The following ATRNL1 variants were observed in gnomAD, a reference collection of about 807,000 sequenced individuals.
The protein encoded by ATRNL1 is attractin like 1.
In ATRNL1, 95 loss-of-function variants were observed where a neutral mutation model predicts 182.7. The ratio of observed to expected loss-of-function variants is 0.52; its 90% confidence interval spans 0.44 to 0.62. The LOEUF is 0.62. Among genes scored for constraint, ATRNL1 ranks in the 20% least tolerant of loss-of-function variants. ATRNL1 has a pLI of 0.00. For missense variants in ATRNL1, 1,471 were observed against 1,679.5 expected (o/e 0.88, Z 2.17); for synonymous variants, 576 against 568.3 (o/e 1.01, Z -0.19).
In ATRNL1 at chr10:115,334,467, ATAAT is replaced by A. The variant is rs782387635; in HGVS notation, c.3175+52_3175+55del. 1.2e-5 allele frequency: 17 copies of A among 1,412,376 alleles called. 1 individual carries two copies. In the East Asian group the frequency reaches 2.8e-4, roughly 24 times the overall value. 87.5% of individuals were successfully genotyped at this position (1,412,376 alleles called of 1,614,324 possible). A position where few individuals can be genotyped will look rare whatever the true frequency, so the allele number is the denominator to read the frequency against. On this transcript the variant is annotated intron_variant, in intron 19 of 28. Transcript: ENST00000355044. ...TTGGTGTATTTTTACTAAGGAAAAG[ATAAT>A]TAAGAAAGCAGCGCCTGTTGTGGAG...
At chr10:115,744,729 G>A (rs372741787) in intron 27 of ATRNL1, among the ~76,000 whole-genome samples, 4 of 151,962 alleles carry the variant, frequency 2.6e-5, no homozygotes, top group South Asian at 4.2e-4. Flanking sequence ...GTAAATGCAC[G>A]CATAATACAT....
At chr10:115,853,883 G>C (rs1195143276) in intron 28 of ATRNL1, among the ~76,000 whole-genome samples, 1 of 152,134 alleles carries the variant, frequency 6.6e-6, no homozygotes, top group Non-Finnish European at 1.5e-5. Context: ...ATGACTCCGT[G>C]TCAAAAAATA....
At chr10:115,242,841 AAAT>A (rs1354282893) in intron 10 of ATRNL1, among the ~76,000 whole-genome samples, 1 of 152,038 alleles carries the variant, frequency 6.6e-6, no homozygotes, top group Non-Finnish European at 1.5e-5. Flanking sequence ...TTTCTTTTTG[AAAT>A]AATAATTTGA....
chr10:115,325,400 A>G (rs1204307682), intron 18 of ATRNL1, among the ~76,000 whole-genome samples: 1 of 151,826 alleles, frequency 6.6e-6, no homozygotes, highest in Admixed American at 6.6e-5. Flanking sequence ...CTAATATACC[A>G]TTTTCTTGTT....
At chr10:115,544,918 G>A (rs1177845620) in intron 25 of ATRNL1, among the ~76,000 whole-genome samples, 1 of 152,068 alleles carries the variant, frequency 6.6e-6, no homozygotes, top group Non-Finnish European at 1.5e-5. Context: ...TTGCCTGTTT[G>A]TTTTGCTTTT....
At chr10:115,755,859 T>C (rs1555071864) in intron 27 of ATRNL1, among the ~76,000 whole-genome samples, 1 of 152,202 alleles carries the variant, frequency 6.6e-6, no homozygotes, top group East Asian at 1.9e-4. Flanking sequence ...TTGTTATTGG[T>C]CTATTCAGGG....
At chr10:115,110,269 T>C (rs573646989) in intron 1 of ATRNL1, among the ~76,000 whole-genome samples, 125 of 152,304 alleles carry the variant, frequency 8.2e-4, no homozygotes, top group Non-Finnish European at 1.1e-3. Flanking sequence ...TCTAATCACA[T>C]GAGCCCTTTA....
intron 18 of ATRNL1, among the ~76,000 whole-genome samples, chr10:115,318,219 AG>A (rs1401522611): frequency 1.3e-5 from 2 of 152,212 alleles, no homozygotes; most frequent in Admixed American, 1.3e-4. Context: ...ATGTTGAACT[AG>A]CCTTGCATCC....
chr10:115,928,089 A>T (rs1953288081), intron 28 of ATRNL1, among the ~76,000 whole-genome samples: 1 of 152,032 alleles, frequency 6.6e-6, no homozygotes, highest in South Asian at 2.1e-4. Flanking sequence ...CCAGCTCTCC[A>T]ATTCTCTAGT....
chr10:115,237,252 G>A (rs1850224799), intron 9 of ATRNL1, among the ~76,000 whole-genome samples: 1 of 152,128 alleles, frequency 6.6e-6, no homozygotes, highest in South Asian at 2.1e-4. Flanking sequence ...ACTCATTCAG[G>A]TGACCACCAT....
intron 24 of ATRNL1, among the ~76,000 whole-genome samples, chr10:115,500,668 A>C (rs1260063285): frequency 6.6e-6 from 1 of 150,900 alleles, no homozygotes; most frequent in African/African-American, 2.4e-5. Flanking sequence ...CAGCCTCCTG[A>C]GTAGCTGGGA....
intron 26 of ATRNL1, among the ~76,000 whole-genome samples, chr10:115,663,134 C>G (rs1394772486): frequency 1.3e-5 from 2 of 151,916 alleles, no homozygotes; most frequent in African/African-American, 2.4e-5. Context: ...GTTAAGTGCT[C>G]AATATACATT....
intron 18 of ATRNL1, among the ~76,000 whole-genome samples, chr10:115,329,913 A>G (rs1187975347): frequency 3.9e-5 from 6 of 151,982 alleles, no homozygotes; most frequent in Non-Finnish European, 7.4e-5. Context: ...GTACTGCCAT[A>G]TTGCTACTTG....
At position 115,108,121 on chromosome 10, in the gene ATRNL1, CTT is replaced by C. The variant is rs1467718603; in HGVS notation, c.294-12061_294-12060del. Among the ~76,000 whole-genome samples the C allele has an allele frequency of 2.0e-5, 3 of 152,282 alleles. No homozygotes were observed. In the East Asian group the frequency reaches 5.8e-4, roughly 29 times the overall value. ...TGTTCTTTACATATACAAACTGTGACTTTTCCAAATCATTACTTTCTGCTTCC... is the reference window on the plus strand; with the variant it reads ...TGTTCTTTACATATACAAACTGTGACTTCCAAATCATTACTTTCTGCTTCC... On this transcript the variant is annotated intron_variant, in intron 1 of 28. Transcript: ENST00000355044.
intron 27 of ATRNL1, among the ~76,000 whole-genome samples, chr10:115,769,432 A>G (rs1948933359): frequency 6.6e-6 from 1 of 152,192 alleles, no homozygotes. Flanking sequence ...CCTTTCTTAC[A>G]GTATATTTAT....
rs782349801 is a variant in ATRNL1, at chr10:115,215,898, C to A, written c.1532+18C>A. The stretch of plus-strand genomic sequence containing the variant: ...AAGACTTGGTGAGTACACAAAATAA[C>A]ACATTTTCTATGTTGCCATTATTAT... On this transcript the variant is annotated intron_variant, in intron 9 of 28. Coordinates refer to ENST00000355044, the MANE Select transcript of ATRNL1 (RefSeq NM_207303.4). The A allele has an allele frequency of 1.4e-6, 2 of 1,459,740 alleles. No individual in the cohort carries two copies. The highest frequency in any genetic ancestry group is 2.6e-5 in the East Asian group (1 of 38,054). The allele number at this position is 1,459,740 out of a possible 1,614,324, so 90.4% of individuals were successfully genotyped here.
At chr10:115,196,447 T>A (rs1848364067) in intron 8 of ATRNL1, among the ~76,000 whole-genome samples, 1 of 152,070 alleles carries the variant, frequency 6.6e-6, no homozygotes, top group East Asian at 1.9e-4. Context: ...AAATTTAGAA[T>A]CAACTTGTCA....
chr10:115,335,375 G>T (rs1188601875), intron 19 of ATRNL1, among the ~76,000 whole-genome samples: 1 of 152,092 alleles, frequency 6.6e-6, no homozygotes, highest in Admixed American at 6.6e-5. Flanking sequence ...AACACTAGCT[G>T]CATATTAGAA....
At chr10:115,284,540 A>G (rs1852516509) in intron 14 of ATRNL1, among the ~76,000 whole-genome samples, 1 of 152,208 alleles carries the variant, frequency 6.6e-6, no homozygotes, top group African/African-American at 2.4e-5. Flanking sequence ...CTATGTTCCA[A>G]CTGCTGTGAG....
Sources: allele counts gnomAD v4.1 joint callset (sites outside exome capture counted in the v4.1 genomes callset), GRCh38; gene constraint gnomAD v4.1.1; transcripts MANE v1.5; gene names NCBI Gene and HGNC (gene_info 2026-07-23, HGNC 2026-07-21).